Variants in ACYP2 observed in about 807,000 individuals in gnomAD.
ACYP2 encodes the protein acylphosphatase 2.
In ACYP2, 12 loss-of-function variants were observed where a neutral mutation model predicts 11.2. That is an observed-to-expected ratio of 1.08 (90% CI 0.69 to 1.74). ACYP2 has a LOEUF of 1.74. Among genes scored for constraint, ACYP2 ranks in the 40% most tolerant of loss-of-function variants. ACYP2 has a pLI of 0.00. For synonymous variants in ACYP2, 43 were observed against 32.2 expected, an observed-to-expected ratio of 1.33 and a Z score of -1.13; for missense variants, 134 against 101.9, an observed-to-expected ratio of 1.31 and a Z score of -1.35.
intron 6 of ACYP2, among the ~76,000 whole-genome samples, chr2:54,185,637 TGAAATA>T (rs1683951930): frequency 6.6e-6 from 1 of 152,164 alleles, no homozygotes; most frequent in African/African-American, 2.4e-5. Context: ...GTTAGGTTAA[TGAAATA>T]GAATAGAAAG....
chr2:54,288,993 C>T lies in ACYP2; in HGVS notation c.405-15695C>T, dbSNP rs548433510. ...TTAATTCTATTCAAAGCCTCATCATCTAAAAGTCATTTGGAAAACTAAAGA... is the reference window on the plus strand; with the variant it reads ...TTAATTCTATTCAAAGCCTCATCATTTAAAAGTCATTTGGAAAACTAAAGA... On this transcript the variant is annotated intron_variant, in intron 6 of 6. Coordinates refer to ENST00000607452, the MANE Select transcript of ACYP2 (RefSeq NM_001320586.2). Among the ~76,000 whole-genome samples the T allele has an allele frequency of 1.5e-3, 223 of 152,080 alleles. 3 individuals are homozygous for T. The highest frequency in any genetic ancestry group is 5.2e-3 in the African/African-American group (215 of 41,370).
intron 2 of ACYP2, among the ~76,000 whole-genome samples, chr2:53,994,857 T>TC (rs1299778780): frequency 1.3e-5 from 2 of 152,040 alleles, no homozygotes; most frequent in African/African-American, 4.8e-5. Flanking sequence ...CATTATAACT[T>TC]CCCCCATCAA....
intron 6 of ACYP2, among the ~76,000 whole-genome samples, chr2:54,219,313 T>G (rs1042087172): frequency 6.6e-6 from 1 of 152,100 alleles, no homozygotes; most frequent in Admixed American, 6.5e-5. Flanking sequence ...TTTTTTTTTG[T>G]TTTTGAATCA....
At chr2:54,092,323 TTGGGATTTCTGCTTCATGG>T in intron 4 of ACYP2, among the ~76,000 whole-genome samples, 1 of 152,070 alleles carries the variant, frequency 6.6e-6, no homozygotes, top group South Asian at 2.1e-4. Flanking sequence ...TCAGGAGAAG[TTGGGATTTCTGCTTCATGG>T]TGGGACAGAG....
chr2:54,282,422 G>C (rs1054867792), intron 6 of ACYP2, among the ~76,000 whole-genome samples: 1 of 152,100 alleles, frequency 6.6e-6, no homozygotes, highest in African/African-American at 2.4e-5. Context: ...ACTCTGCCCT[G>C]CTCTAAGCAG....
At chr2:54,159,241 T>C (rs955402854) in intron 6 of ACYP2, among the ~76,000 whole-genome samples, 2 of 151,684 alleles carry the variant, frequency 1.3e-5, no homozygotes, top group Non-Finnish European at 2.9e-5. Flanking sequence ...TCCAATAAGG[T>C]TCTAGAGCAA....
chr2:54,025,009 A>G (rs1674204471), intron 2 of ACYP2, among the ~76,000 whole-genome samples: 1 of 152,182 alleles, frequency 6.6e-6, no homozygotes, highest in Admixed American at 6.6e-5. Context: ...ACAAAACAAA[A>G]CAAAAAAACT....
chr2:54,161,424 A>C (rs902480411), intron 6 of ACYP2, among the ~76,000 whole-genome samples: 2 of 152,248 alleles, frequency 1.3e-5, no homozygotes, highest in African/African-American at 4.8e-5. Context: ...GGGAAAACTC[A>C]GGATTCAAAG....
At chr2:54,014,065 G>C (rs1361239328) in intron 2 of ACYP2, among the ~76,000 whole-genome samples, 2 of 152,056 alleles carry the variant, frequency 1.3e-5, no homozygotes, top group East Asian at 3.9e-4. Flanking sequence ...GGCTGAGGCA[G>C]GGGAATCGCT....
At chr2:54,034,169 C>T (rs914298540) in intron 2 of ACYP2, among the ~76,000 whole-genome samples, 2 of 152,106 alleles carry the variant, frequency 1.3e-5, no homozygotes, top group African/African-American at 4.8e-5. Context: ...ACCAGCCTGG[C>T]CAACATGGTG....
intron 4 of ACYP2, among the ~76,000 whole-genome samples, chr2:54,124,492 A>C (rs1680358293): frequency 6.6e-6 from 1 of 152,004 alleles, no homozygotes. Flanking sequence ...CACCACGCCC[A>C]GCCCATATTG....
chr2:53,987,352 C>CA (rs1672085392), intron 2 of ACYP2, among the ~76,000 whole-genome samples: 3 of 137,832 alleles, frequency 2.2e-5, no homozygotes. Context: ...TGTATGTATA[C>CA]AAAGTTAAAA....
At chr2:54,005,342 ATTT>A (rs768882230) in intron 2 of ACYP2, among the ~76,000 whole-genome samples, 2 of 141,790 alleles carry the variant, frequency 1.4e-5, no homozygotes, top group African/African-American at 2.6e-5. Context: ...ATGAAAGTCT[ATTT>A]TTTTTTTTTT....
At chr2:54,123,231 T>C (rs1680262263) in intron 4 of ACYP2, 3 of 397,128 alleles carry the variant, frequency 7.6e-6, no homozygotes, top group Admixed American at 8.8e-5. Context: ...GAGAGAAAGA[T>C]GCTTTCTCCT....
chr2:54,199,820 C>T (rs1044638868), intron 6 of ACYP2, among the ~76,000 whole-genome samples: 1 of 152,198 alleles, frequency 6.6e-6, no homozygotes, highest in South Asian at 2.1e-4. Flanking sequence ...GTGCCTTTAA[C>T]CACTGCACTG....
intron 6 of ACYP2, among the ~76,000 whole-genome samples, chr2:54,300,971 C>T (rs1689701089): frequency 6.6e-6 from 1 of 152,196 alleles, no homozygotes; most frequent in African/African-American, 2.4e-5. Context: ...AATGTTTTTA[C>T]ACATTACTTA....
chr2:54,198,364 T>G (rs1684606041), intron 6 of ACYP2, among the ~76,000 whole-genome samples: 1 of 151,326 alleles, frequency 6.6e-6, no homozygotes, highest in African/African-American at 2.4e-5. Flanking sequence ...GAGAAAGGAG[T>G]GTGGCAGGGG....
At chr2:54,065,802 G>C (rs1676714536) in intron 4 of ACYP2, 1 of 294,948 alleles carries the variant, frequency 3.4e-6, no homozygotes, top group African/African-American at 2.2e-5. Context: ...TGTCCTCTGG[G>C]CTGTGTTTAT....
At chr2:54,164,526 T>G (rs1038338437) in intron 6 of ACYP2, among the ~76,000 whole-genome samples, 6 of 152,208 alleles carry the variant, frequency 3.9e-5, no homozygotes, top group South Asian at 4.2e-4. Context: ...GAGAGAAGAC[T>G]GCAGGAAATA....
Sources: gnomAD v4.1 joint callset for allele counts (sites outside exome capture counted in the v4.1 genomes callset) on GRCh38, gnomAD v4.1.1 for gene constraint, MANE v1.5 for transcripts, NCBI Gene and HGNC (gene_info 2026-07-23, HGNC 2026-07-21) for gene names.